The following SIPA1L3 variants were observed in gnomAD, a reference collection of about 807,000 sequenced individuals.
The protein encoded by SIPA1L3 is signal-induced proliferation-associated 1-like protein 3.
In SIPA1L3, 59 loss-of-function variants were observed where a neutral mutation model predicts 150.1. That is an observed-to-expected ratio of 0.39 (90% CI 0.32 to 0.49). The LOEUF is 0.49. Ranked by LOEUF, SIPA1L3 falls within the 20% of genes least tolerant of loss-of-function variation. SIPA1L3 has a pLI of 0.86. For missense variants in SIPA1L3, 2,211 were observed against 2,489.5 expected (o/e 0.89, Z 2.38); for synonymous variants, 1,070 against 1,077.6 (o/e 0.99, Z 0.14).
intron 1 of SIPA1L3, among the ~76,000 whole-genome samples, chr19:38,027,925 ATCT>A (rs1968551108): frequency 6.6e-6 from 1 of 151,998 alleles, no homozygotes; most frequent in African/African-American, 2.4e-5. Context: ...TAATAATAGT[ATCT>A]TCTTCTTGGG....
Position 38,193,881 on chromosome 19 carries a change from A to T in SIPA1L3, c.4840+101A>T, listed in dbSNP as rs928304486. 2.9e-5 allele frequency: 38 copies of T among 1,306,636 alleles called. No homozygotes were observed. The East Asian group carries it at 1.1e-3, about 38-fold the overall frequency. 80.9% of individuals were successfully genotyped at this position (1,306,636 alleles called of 1,614,324 possible). Reference sequence around the variant, plus strand: ...ACCTGGAGGTCAAAGGCTAGAGGTCATCAGTGTCGGGGCCATCTCAGGGAG... The same window carrying T: ...ACCTGGAGGTCAAAGGCTAGAGGTCTTCAGTGTCGGGGCCATCTCAGGGAG... On this transcript the variant is annotated intron_variant, in intron 18 of 21. Transcript: ENST00000222345.
chr19:38,134,638 C>T (rs1971391253), intron 10 of SIPA1L3, among the ~76,000 whole-genome samples: 1 of 138,224 alleles, frequency 7.2e-6, no homozygotes, highest in African/African-American at 2.7e-5. Flanking sequence ...ACCCAGGAGG[C>T]AGAGTTTGCA....
chr19:38,165,584 G>A (rs759164781), intron 15 of SIPA1L3, among the ~76,000 whole-genome samples: 3 of 152,160 alleles, frequency 2.0e-5, no homozygotes, highest in Non-Finnish European at 4.4e-5. Flanking sequence ...CTGGCATCAC[G>A]GGGCCATCCC....
At chr19:38,143,316 C>T (rs1411715578) in intron 12 of SIPA1L3, among the ~76,000 whole-genome samples, 2 of 152,144 alleles carry the variant, frequency 1.3e-5, no homozygotes, top group Non-Finnish European at 2.9e-5. Context: ...CAGGGGCAGC[C>T]ACATCAATCC....
chr19:37,942,597 T>C (rs1216426578), intron 1 of SIPA1L3, among the ~76,000 whole-genome samples: 1 of 150,576 alleles, frequency 6.6e-6, no homozygotes, highest in Non-Finnish European at 1.5e-5. Context: ...TGATTCAGAG[T>C]GTCCTCCCAT....
intron 1 of SIPA1L3, among the ~76,000 whole-genome samples, chr19:37,967,843 G>T (rs892843026): frequency 6.6e-6 from 1 of 152,162 alleles, no homozygotes; most frequent in Admixed American, 6.6e-5. Flanking sequence ...ATTTTTGGTA[G>T]AGATGGGGTT....
intron 1 of SIPA1L3, among the ~76,000 whole-genome samples, chr19:37,981,721 C>T (rs1445529399): frequency 6.6e-6 from 1 of 152,150 alleles, no homozygotes; most frequent in Non-Finnish European, 1.5e-5. Flanking sequence ...ACCTTTTCTG[C>T]AGGACACCTT....
Position 38,119,524 on chromosome 19 carries a change from C to G in SIPA1L3, c.2510C>G (p.Pro837Arg). 6.2e-7 allele frequency: 1 copy of G among 1,614,188 alleles called. No homozygotes were observed. The highest frequency in any genetic ancestry group is 8.5e-7 in the Non-Finnish European group (1 of 1,180,030). ...DLAENCVSNT[P>R]IDSTGKFNLI... ...GCCGAAAACTGTGTCTCCAACACCC[C>G]CATCGACTCCACCGGCAAATTCAAC... Residue 837 changes from proline (P) to arginine (R), a missense_variant, in exon 9 of 22, where the codon CCC (proline) becomes CGC (arginine). This residue lies in a region of SIPA1L3 where 625 missense variants were observed against 804.2 expected (regional missense o/e 0.78). Coordinates refer to ENST00000222345, the MANE Select transcript of SIPA1L3 (RefSeq NM_015073.3).
chr19:38,083,147 C>T, intron 3 of SIPA1L3, 48 bp downstream of exon 3: 1 of 1,512,220 alleles, frequency 6.6e-7, no homozygotes, highest in Non-Finnish European at 9.0e-7. Context: ...CGAGGCTTGC[C>T]TCCGAGACCC....
chr19:38,082,609 G>T lies in SIPA1L3; in HGVS notation c.1044G>T (p.Met348Ile). 1 of 1,604,476 alleles carries T rather than the reference G, an allele frequency of 6.2e-7. No individual in the cohort carries two copies. Among genetic ancestry groups the T allele is most frequent in the South Asian group, 1.1e-5 (1 of 91,086 alleles). Residue 348 changes from methionine to isoleucine, a missense_variant, in exon 3 of 22, where the codon ATG (methionine) becomes ATT (isoleucine). Physicochemically the swap from Met to Ile is conservative, Grantham distance 10. This residue lies in a region of SIPA1L3 where 587 missense variants were observed against 534.5 expected (regional missense o/e 1.10). Coordinates refer to ENST00000222345, the MANE Select transcript of SIPA1L3 (RefSeq NM_015073.3). The part of the protein sequence containing the change: ...KSFAHFDVQS[M>I]LFDLNEAAAN... ...TCGCCCACTTCGACGTGCAGAGCAT[G>T]CTGTTCGACCTCAACGAGGCGGCCG...
At chr19:37,988,855 T>C (rs1967427914) in intron 1 of SIPA1L3, among the ~76,000 whole-genome samples, 2 of 152,060 alleles carry the variant, frequency 1.3e-5, no homozygotes, top group Admixed American at 6.6e-5. Context: ...GCACGTTCGC[T>C]CTCCAGGATC....
Position 38,164,404 on chromosome 19 carries a change from A to G in SIPA1L3, c.3781-75A>G, listed in dbSNP as rs80089037. 328 of 1,418,352 alleles carry G rather than the reference A, an allele frequency of 2.3e-4. 1 individual carries two copies. The African/African-American group carries it at 4.0e-3, about 17-fold the overall frequency. The allele number at this position is 1,418,352 out of a possible 1,614,324, so 87.9% of individuals were successfully genotyped here. On this transcript the variant is annotated intron_variant, in intron 14 of 21. Coordinates refer to ENST00000222345, the MANE Select transcript of SIPA1L3 (RefSeq NM_015073.3). This position sits in a 1 kb window ranked among gnomAD's most constrained non-coding sequence, Gnocchi z 4.1. ...CTGGTCCCAGGGTTCAGGCCCAGGC[A>G]GAGGGAGGACCCGGCAAGGGAAGAT...
chr19:37,928,166 T>G (rs2046523202), intron 1 of SIPA1L3, among the ~76,000 whole-genome samples: 1 of 152,192 alleles, frequency 6.6e-6, no homozygotes, highest in African/African-American at 2.4e-5. Context: ...TGAGCTAATT[T>G]ACATTCCCAC....
chr19:38,038,609 CAT>C lies in SIPA1L3; in HGVS notation c.-311+9454_-311+9455del, dbSNP rs1459631554. The stretch of plus-strand genomic sequence containing the variant: ...GTCTCAAAAAAAAAAAAAAAAAAGT[CAT>C]GTGCATGTTACAGTCTGAGAAATCC... On this transcript the variant is annotated intron_variant, in intron 2 of 21. Coordinates refer to ENST00000222345, the MANE Select transcript of SIPA1L3 (RefSeq NM_015073.3). 3.7e-5 allele frequency among the ~76,000 whole-genome samples: 5 copies of C among 135,982 alleles called. 1 individual carries two copies. Among genetic ancestry groups the C allele is most frequent in the African/African-American group, 1.4e-4 (5 of 36,356 alleles). 89.2% of individuals were successfully genotyped at this position (135,982 alleles called of 152,430 possible).
At position 38,106,521 on chromosome 19, in the gene SIPA1L3, G is replaced by A; in HGVS notation, c.2030-16G>A. On this transcript the variant is annotated splice_polypyrimidine_tract_variant and intron_variant, in intron 6 of 21. Transcript: ENST00000222345. ...AGGTTTTGGAAACATGGTCCTAACT[G>A]GCATTTCTGTTTCAGCCGACTCCAC... 6.4e-7 allele frequency: 1 copy of A among 1,559,604 alleles called. No individual in the cohort carries two copies. The highest frequency in any genetic ancestry group is 1.1e-5 in the South Asian group (1 of 89,932).
intron 1 of SIPA1L3, among the ~76,000 whole-genome samples, chr19:38,026,879 A>G (rs1968524780): frequency 6.6e-6 from 1 of 152,226 alleles, no homozygotes; most frequent in Non-Finnish European, 1.5e-5. Context: ...CACTACTAGA[A>G]ATCACGGATA....
Position 38,130,615 on chromosome 19 carries a change from G to A in SIPA1L3, c.2986G>A (p.Ala996Thr), listed in dbSNP as rs778892254. 1.3e-5 allele frequency: 21 copies of A among 1,613,708 alleles called. No homozygotes were observed. The highest frequency in any genetic ancestry group is 2.2e-5 in the East Asian group (1 of 44,876). The change falls in exon 10 of 22, where the codon GCC becomes ACC. Residue 996 changes from alanine to threonine, a missense_variant. Physicochemically the swap from Ala to Thr is moderately conservative, Grantham distance 58. Around this residue, in one of 5 missense-constraint regions of SIPA1L3, gnomAD observed 625 missense variants for 804.2 expected, o/e 0.78. Transcript: ENST00000222345. The stretch of plus-strand genomic sequence containing the variant: ...GGCCGAGGTTGAGGACTATGGGTTC[G>A]CCTGGCAGGCCGGCCTCCGGCAGGG... ...TVAEVEDYGF[A>T]WQAGLRQGSR...
chr19:37,944,236 C>T (rs1406995207), intron 1 of SIPA1L3, among the ~76,000 whole-genome samples: 2 of 151,842 alleles, frequency 1.3e-5, no homozygotes, highest in African/African-American at 4.8e-5. Context: ...TGAGATCGCA[C>T]CACTGCACTC....
rs143280830 is a variant in SIPA1L3, at chr19:38,175,035, G to A, written c.4209-7484G>A. On this transcript the variant is annotated intron_variant, in intron 15 of 21. Coordinates refer to ENST00000222345, the MANE Select transcript of SIPA1L3 (RefSeq NM_015073.3). Reference sequence around the variant, plus strand: ...AGTACAGAATGGTGGTTAAAATATCGTCTCTCAAACCAGACTACCTATGTC... The same window carrying A: ...AGTACAGAATGGTGGTTAAAATATCATCTCTCAAACCAGACTACCTATGTC... Among the ~76,000 whole-genome samples the A allele has an allele frequency of 2.0e-4, 30 of 152,058 alleles. No individual in the cohort carries two copies. The East Asian group carries it at 4.6e-3, about 23-fold the overall frequency.
Sources: allele counts gnomAD v4.1 joint callset (sites outside exome capture counted in the v4.1 genomes callset), GRCh38; gene constraint gnomAD v4.1.1; regional missense constraint gnomAD v4.1.1; non-coding constraint Gnocchi (gnomAD v3.1); transcripts MANE v1.5; gene names NCBI Gene and HGNC (gene_info 2026-07-23, HGNC 2026-07-21).